Variants in CADM2 observed in about 807,000 individuals in gnomAD.
CADM2 encodes immunoglobulin superfamily member 4D.
Under a neutral mutation model 49.8 loss-of-function variants are expected in CADM2, and 12 were observed. The ratio of observed to expected loss-of-function variants is 0.24; its 90% CI spans 0.15 to 0.39. The LOEUF (loss-of-function observed/expected upper bound fraction) is 0.39, where lower values mean the gene tolerates loss of function less well. Ranked by LOEUF, CADM2 falls within the 10% of genes least tolerant of loss-of-function variation. The pLI, the probability that CADM2 is intolerant of heterozygous loss-of-function variation, is 1.00. For synonymous variants in CADM2, 214 were observed against 175.4 expected (o/e 1.22, Z -1.74); for missense variants, 378 against 492.3 (o/e 0.77, Z 2.20).
chr3:85,409,170 T>A (rs1430310622), intron 1 of CADM2, among the ~76,000 whole-genome samples: 2 of 152,170 alleles, frequency 1.3e-5, no homozygotes, highest in African/African-American at 2.4e-5. Context: ...TCAACTCATT[T>A]CCATTTTAAA....
intron 1 of CADM2, among the ~76,000 whole-genome samples, chr3:85,121,954 A>C (rs1379906058): frequency 6.6e-6 from 1 of 152,028 alleles, no homozygotes; most frequent in Non-Finnish European, 1.5e-5. Context: ...TCTCATTCAC[A>C]GGAGATGAGG....
chr3:86,046,678 A>G (rs1578053615), intron 8 of CADM2, among the ~76,000 whole-genome samples: 1 of 152,224 alleles, frequency 6.6e-6, no homozygotes, highest in East Asian at 1.9e-4. Context: ...ATCCCTGGGG[A>G]CATTATCAGC....
intron 1 of CADM2, among the ~76,000 whole-genome samples, chr3:85,537,180 A>G (rs1460380069): frequency 1.3e-5 from 2 of 152,102 alleles, no homozygotes; most frequent in Non-Finnish European, 2.9e-5. Context: ...ATGTTTTCTT[A>G]AAGCATGTGT....
rs1478043650 is a variant in CADM2 at position 85,295,245 on chromosome 3, C to G, written c.61+335577C>G. On this transcript the variant is annotated intron_variant, in intron 1 of 9. Coordinates refer to ENST00000383699, the MANE Select transcript of CADM2 (RefSeq NM_001167675.2). ...GCAAATCAAAACCACAATGAGATACCATCTCACACCAGTTAGAATGGCAAT... is the reference window on the plus strand; with the variant it reads ...GCAAATCAAAACCACAATGAGATACGATCTCACACCAGTTAGAATGGCAAT... Among the ~76,000 whole-genome samples, 269 of 152,128 alleles carry G rather than the reference C, an allele frequency of 1.8e-3. 1 individual carries two copies. The highest frequency in any genetic ancestry group is 6.2e-3 in the African/African-American group (259 of 41,512).
chr3:85,344,413 AAATAAAT>A (rs1480907834), intron 1 of CADM2, among the ~76,000 whole-genome samples: 2 of 150,104 alleles, frequency 1.3e-5, no homozygotes, highest in African/African-American at 4.9e-5. Flanking sequence ...ATAAATAAAT[AAATAAAT>A]AATAATTATA....
chr3:85,768,577 A>G (rs910918100), intron 2 of CADM2, among the ~76,000 whole-genome samples: 1 of 149,252 alleles, frequency 6.7e-6, no homozygotes, highest in Non-Finnish European at 1.5e-5. Flanking sequence ...AATAGCAATC[A>G]CTGTTAAAAC....
chr3:85,946,436 G>T (rs1355299996), intron 7 of CADM2, among the ~76,000 whole-genome samples: 2 of 152,038 alleles, frequency 1.3e-5, no homozygotes, highest in Non-Finnish European at 2.9e-5. Context: ...CTACTTTAAA[G>T]TTCATATGGA....
At chr3:85,027,368 C>T (rs2034782963) in intron 1 of CADM2, among the ~76,000 whole-genome samples, 1 of 151,712 alleles carries the variant, frequency 6.6e-6, no homozygotes, top group Non-Finnish European at 1.5e-5. Flanking sequence ...ACCTTGGCCT[C>T]CTGAAGTGCT....
At chr3:85,937,433 G>A (rs545531854) in intron 7 of CADM2, among the ~76,000 whole-genome samples, 1 of 151,934 alleles carries the variant, frequency 6.6e-6, no homozygotes, top group East Asian at 1.9e-4. Context: ...CTATTTTACG[G>A]AAGAGAAACT....
At chr3:85,108,809 G>A (rs879472439) in intron 1 of CADM2, among the ~76,000 whole-genome samples, 12 of 152,064 alleles carry the variant, frequency 7.9e-5, no homozygotes, top group Non-Finnish European at 1.6e-4. Flanking sequence ...TTAAGTTAAG[G>A]AGTATTAAAA....
intron 1 of CADM2, among the ~76,000 whole-genome samples, chr3:84,962,614 G>C (rs2030645863): frequency 6.6e-6 from 1 of 152,174 alleles, no homozygotes; most frequent in African/African-American, 2.4e-5. Flanking sequence ...GGGAACTAGT[G>C]AGCGACTGAT....
intron 1 of CADM2, among the ~76,000 whole-genome samples, chr3:84,990,902 C>T (rs2032849169): frequency 2.0e-5 from 3 of 152,064 alleles, no homozygotes; most frequent in Admixed American, 2.0e-4. Flanking sequence ...AGGTATTTCA[C>T]AATTTTTTTC....
At chr3:85,475,674 C>G (rs1267716646) in intron 1 of CADM2, among the ~76,000 whole-genome samples, 1 of 151,778 alleles carries the variant, frequency 6.6e-6, no homozygotes, top group Non-Finnish European at 1.5e-5. Flanking sequence ...AATAGTCTCA[C>G]CAAATTGTTT....
At chr3:86,006,291 T>A (rs1374153681) in intron 8 of CADM2, among the ~76,000 whole-genome samples, 1 of 152,200 alleles carries the variant, frequency 6.6e-6, no homozygotes, top group African/African-American at 2.4e-5. Context: ...TCTTGAAATG[T>A]AGTCTAGAGC....
intron 5 of CADM2, among the ~76,000 whole-genome samples, chr3:85,898,183 T>C (rs965991949): frequency 6.6e-6 from 1 of 152,170 alleles, no homozygotes; most frequent in Non-Finnish European, 1.5e-5. Context: ...GAAGGAGATA[T>C]AATGATTGTT....
At chr3:85,787,277 AT>A (rs1177199338) in intron 2 of CADM2, among the ~76,000 whole-genome samples, 1 of 152,106 alleles carries the variant, frequency 6.6e-6, no homozygotes, top group Non-Finnish European at 1.5e-5. Context: ...ATGGGTCTCC[AT>A]TTAATAGGAA....
At chr3:85,718,882 T>TTTTTTA (rs1553671800) in intron 1 of CADM2, among the ~76,000 whole-genome samples, 32 of 141,338 alleles carry the variant, frequency 2.3e-4, no homozygotes, top group East Asian at 1.5e-3. Flanking sequence ...TTAATGGTAT[T>TTTTTTA]TTATTATTAT....
At chr3:85,406,980 C>A (rs6772750) in intron 1 of CADM2, among the ~76,000 whole-genome samples, 1 of 152,002 alleles carries the variant, frequency 6.6e-6, no homozygotes, top group African/African-American at 2.4e-5. Flanking sequence ...AGGATCCCTT[C>A]AGCCCAGGAG....
chr3:85,818,028 T>C (rs1293085228), intron 3 of CADM2, among the ~76,000 whole-genome samples: 1 of 152,126 alleles, frequency 6.6e-6, no homozygotes, highest in Non-Finnish European at 1.5e-5. Flanking sequence ...ATCTAGGAAG[T>C]TGAGATCTTA....
Sources: gnomAD v4.1 joint callset for allele counts (sites outside exome capture counted in the v4.1 genomes callset) on GRCh38, gnomAD v4.1.1 for gene constraint, MANE v1.5 for transcripts, NCBI Gene and HGNC (gene_info 2026-07-23, HGNC 2026-07-21) for gene names.